WHRN: variants seen among roughly 807,000 people sequenced by gnomAD.
WHRN encodes CASK-interacting protein CIP98.
In WHRN, 41 loss-of-function variants were observed where a neutral mutation model predicts 68.3. The observed-to-expected ratio is 0.60, with a 90% CI of 0.47 to 0.78. The LOEUF is 0.78. Ranked by LOEUF, WHRN falls within the 30% of genes least tolerant of loss-of-function variation. The pLI is 0.00. For synonymous variants in WHRN, 560 were observed against 561.3 expected (o/e 1.00, Z 0.03); for missense variants, 1,243 against 1,244.7 (o/e 1.00, Z 0.02).
At chr9:114,495,640 A>G (rs1274127817) in intron 1 of WHRN, among the ~76,000 whole-genome samples, 1 of 152,188 alleles carries the variant, frequency 6.6e-6, no homozygotes. Context: ...CATTTGGGGA[A>G]AGAGGAATTT....
intron 1 of WHRN, among the ~76,000 whole-genome samples, chr9:114,492,494 C>T (rs762805347): frequency 6.6e-6 from 1 of 152,170 alleles, no homozygotes; most frequent in East Asian, 1.9e-4. Context: ...CATCATACAT[C>T]GCTTGGTGTA....
At chr9:114,481,591 C>G (rs1466527200) in intron 1 of WHRN, among the ~76,000 whole-genome samples, 1 of 152,194 alleles carries the variant, frequency 6.6e-6, no homozygotes, top group Middle Eastern at 3.2e-3. Flanking sequence ...CCTCTCTTTC[C>G]TCTCCCTCTC....
chr9:114,405,396 T>C (rs984434039), intron 9 of WHRN, among the ~76,000 whole-genome samples: 1 of 152,204 alleles, frequency 6.6e-6, no homozygotes, highest in Non-Finnish European at 1.5e-5. Context: ...ACTTTGTATG[T>C]CTCAGTTTGT....
At chr9:114,485,436 A>G (rs975979161) in intron 1 of WHRN, among the ~76,000 whole-genome samples, 3 of 152,222 alleles carry the variant, frequency 2.0e-5, no homozygotes, top group Non-Finnish European at 4.4e-5. Context: ...CAGGCCTGCA[A>G]TCCCAGCACT....
chr9:114,429,627 G>T (rs1416542952), intron 3 of WHRN, among the ~76,000 whole-genome samples: 2 of 152,200 alleles, frequency 1.3e-5, no homozygotes, highest in African/African-American at 4.8e-5. Flanking sequence ...GCCCTGGCTG[G>T]TCTCCCTGTA....
At position 114,424,463 on chromosome 9, in the gene WHRN, C is replaced by G; in HGVS notation, c.1287G>C (p.Gln429His). The G allele has an allele frequency of 6.2e-7, 1 of 1,613,972 alleles. No individual in the cohort carries two copies. The highest frequency in any genetic ancestry group is 1.3e-5 in the African/African-American group (1 of 75,060). Reference protein sequence around the residue: ...GNQTRVLLEEQARHLLNEQEH... With the variant: ...GNQTRVLLEEHARHLLNEQEH... ...CCTGCTCGTTCAGCAGGTGCCGAGC[C>G]TGCTCCTCCAGCAGCACTCGTGTCT... Residue 429 changes from glutamine (Q) to histidine (H), a missense_variant, in exon 6 of 12, where the codon CAG (glutamine) becomes CAC (histidine). By Grantham distance (24) the Gln-to-His change is conservative. Coordinates refer to ENST00000362057, the MANE Select transcript of WHRN (RefSeq NM_015404.4).
rs549671968 is a variant in WHRN, at chr9:114,417,609, T to A, written c.1626+5705A>T. Among the ~76,000 whole-genome samples the A allele has an allele frequency of 2.6e-5, 4 of 152,322 alleles. No homozygotes were observed. In the East Asian group the frequency reaches 7.7e-4, roughly 29 times the overall value. On this transcript the variant is annotated intron_variant, in intron 7 of 11. Transcript: ENST00000362057. Reference sequence around the variant, plus strand: ...GCAGAGGTATGAGGAGTGTGTGAGCTCCATGCAGGAAGGGATTTTGGCCAT... The same window carrying A: ...GCAGAGGTATGAGGAGTGTGTGAGCACCATGCAGGAAGGGATTTTGGCCAT...
chr9:114,479,750 G>C (rs1358658435), intron 1 of WHRN, among the ~76,000 whole-genome samples: 1 of 152,182 alleles, frequency 6.6e-6, no homozygotes, highest in African/African-American at 2.4e-5. Context: ...GAAACTGCCT[G>C]CCCACACAGT....
chr9:114,438,159 T>C (rs1354749301), intron 3 of WHRN, among the ~76,000 whole-genome samples: 2 of 152,028 alleles, frequency 1.3e-5, no homozygotes, highest in African/African-American at 2.4e-5. Flanking sequence ...CACTTTAGCC[T>C]GGGAGGCGAA....
intron 1 of WHRN, among the ~76,000 whole-genome samples, chr9:114,494,556 AG>A (rs900536643): frequency 6.6e-6 from 1 of 152,208 alleles, no homozygotes; most frequent in African/African-American, 2.4e-5. Context: ...TTGGAAACCC[AG>A]GGCTTCGGAG....
intron 3 of WHRN, among the ~76,000 whole-genome samples, chr9:114,453,036 G>A (rs1839474256): frequency 6.6e-6 from 1 of 152,198 alleles, no homozygotes. Context: ...AGGAAGGGGT[G>A]TGGTTACTGT....
chr9:114,420,444 G>A (rs1306517313), intron 7 of WHRN, among the ~76,000 whole-genome samples: 1 of 152,230 alleles, frequency 6.6e-6, no homozygotes, highest in African/African-American at 2.4e-5. Flanking sequence ...CAAGCTCAGA[G>A]AAGGGAAGTG....
At chr9:114,457,571 C>A (rs1426470952) in intron 3 of WHRN, among the ~76,000 whole-genome samples, 2 of 152,074 alleles carry the variant, frequency 1.3e-5, no homozygotes, top group Admixed American at 1.3e-4. Context: ...TAGAACATTA[C>A]ATTTTGGTAA....
chr9:114,504,865 G>A lies in WHRN; in HGVS notation c.-64C>T. The stretch of plus-strand genomic sequence containing the variant: ...GTGTGGGCGGTGCCGCTGTCCTCGC[G>A]GGTACTGGCGCGACAGCTGGATCCC... On this transcript the variant is annotated 5_prime_UTR_variant, in exon 1 of 12. Transcript: ENST00000362057. 1 of 1,337,704 alleles carries A rather than the reference G, an allele frequency of 7.5e-7. No individual in the cohort carries two copies. Among genetic ancestry groups the A allele is most frequent in the Non-Finnish European group, 9.5e-7 (1 of 1,053,724 alleles). 82.9% of individuals were successfully genotyped at this position (1,337,704 alleles called of 1,614,324 possible). A position where few individuals can be genotyped will look rare whatever the true frequency, so the allele number is the denominator to read the frequency against.
chr9:114,469,942 T>C (rs1298008354), intron 2 of WHRN, among the ~76,000 whole-genome samples: 1 of 152,210 alleles, frequency 6.6e-6, no homozygotes, highest in Non-Finnish European at 1.5e-5. Context: ...CAGCACGGCA[T>C]CTTCCAATCA....
chr9:114,474,252 A>T (rs367659416), intron 2 of WHRN, among the ~76,000 whole-genome samples: 5 of 152,314 alleles, frequency 3.3e-5, no homozygotes, highest in African/African-American at 7.2e-5. Context: ...TGGCTCCAGA[A>T]GTTCTTTGTG....
intron 3 of WHRN, among the ~76,000 whole-genome samples, chr9:114,433,334 G>A (rs1260253270): frequency 2.0e-5 from 3 of 152,218 alleles, no homozygotes. Context: ...CCGAGGCTGA[G>A]CTGGGAGACG....
Position 114,406,517 on chromosome 9 carries a change from G to C in WHRN, c.2074C>G (p.Pro692Ala), listed in dbSNP as rs1835039409. The C allele has an allele frequency of 1.9e-6, 3 of 1,614,080 alleles. No homozygotes were observed. The African/African-American group carries it at 4.0e-5, about 22-fold the overall frequency. The change falls in exon 9 of 12, where the codon CCC becomes GCC. Residue 692 changes from proline (P) to alanine (A), a missense_variant. By Grantham distance (27) the Pro-to-Ala change is conservative (BLOSUM62 -1). Coordinates refer to ENST00000362057, the MANE Select transcript of WHRN (RefSeq NM_015404.4). ...RVQSPPHLKS[P>A]SAEATVAGGC... ...CCAGCCACTGTGGCCTCTGCAGAGG[G>C]GCTTTTCAGGTGCGGGGGTGACTGG...
intron 3 of WHRN, among the ~76,000 whole-genome samples, chr9:114,444,533 T>C (rs1838653574): frequency 6.6e-6 from 1 of 152,028 alleles, no homozygotes; most frequent in Non-Finnish European, 1.5e-5. Context: ...GGGGGGTATA[T>C]ACAAACTGTA....
Sources: allele counts gnomAD v4.1 joint callset (sites outside exome capture counted in the v4.1 genomes callset), GRCh38; gene constraint gnomAD v4.1.1; transcripts MANE v1.5; gene names NCBI Gene and HGNC (gene_info 2026-07-23, HGNC 2026-07-21).